LIPF: variants seen among roughly 807,000 people sequenced by gnomAD.
LIPF encodes gastric triacylglycerol lipase.
LIPF carries 25 observed loss-of-function variants against 38.0 expected under a neutral mutation model. The observed-to-expected ratio is 0.66, with a 90% confidence interval of 0.48 to 0.92. The LOEUF (loss-of-function observed/expected upper bound fraction) is 0.92. Among genes scored for constraint, LIPF ranks in the 40% least tolerant of loss-of-function variants. The pLI, the probability that LIPF is intolerant of heterozygous loss-of-function variation, is 0.00. For synonymous variants in LIPF, 161 were observed against 156.2 expected, an observed-to-expected ratio of 1.03 and a Z score of -0.23; for missense variants, 410 against 469.9, an observed-to-expected ratio of 0.87 and a Z score of 1.18.
At chr10:88,672,132 A>G (rs1197045092) in intron 6 of LIPF, among the ~76,000 whole-genome samples, 167 bp downstream of exon 6, 2 of 152,128 alleles carry the variant, frequency 1.3e-5, no homozygotes, top group African/African-American at 4.8e-5. Flanking sequence ...CCATGTTTGA[A>G]TCTCCTTACA....
At chr10:88,664,968 T>C (rs907320331) in intron 1 of LIPF, among the ~76,000 whole-genome samples, 1 of 152,226 alleles carries the variant, frequency 6.6e-6, no homozygotes, top group Non-Finnish European at 1.5e-5. Flanking sequence ...AAAACATTTA[T>C]TTAAATTATA....
chr10:88,676,733 G>A (rs17333935), intron 9 of LIPF, among the ~76,000 whole-genome samples: 2,155 of 152,296 alleles, frequency 0.014, 33 homozygotes, highest in Middle Eastern at 0.071. Flanking sequence ...AAAAGATGCC[G>A]TGCTTGCAGG....
At chr10:88,669,752 A>G in intron 4 of LIPF, 85 bp from the exon 5 acceptor site, 1 of 937,030 alleles carries the variant, frequency 1.1e-6, no homozygotes, top group Non-Finnish European at 1.7e-6. Context: ...CTGTATCCCA[A>G]AGGGATCATT....
In LIPF at chr10:88,673,635, A is replaced by G. The variant is rs2134643899; in HGVS notation, c.717A>G (p.Gln239=). The change falls in exon 7 of 10, where the codon CAA becomes CAG. Residue 239 remains glutamine, a synonymous_variant. Transcript: ENST00000238983. ...KIFYPHNFFD[Q]FLATEVCSRE... ...TCTACCCACACAACTTCTTTGATCA[A>G]TTTCTTGCTACTGAAGTGTGCTCCC... 1 of 1,611,844 alleles carries G rather than the reference A, an allele frequency of 6.2e-7. No homozygotes were observed.
intron 1 of LIPF, chr10:88,665,498 T>A: frequency 1.3e-6 from 2 of 1,521,334 alleles, no homozygotes. Flanking sequence ...ACAAGCATTT[T>A]GAGAAATTTA....
chr10:88,671,776 A>C (rs1212229487), intron 5 of LIPF, 53 bp from the exon 6 acceptor site: 2 of 1,557,432 alleles, frequency 1.3e-6, no homozygotes, highest in Non-Finnish European at 1.7e-6. Context: ...AAACAAAACA[A>C]CAACAACAAC....
At chr10:88,673,073 G>T (rs1460313985) in intron 6 of LIPF, among the ~76,000 whole-genome samples, 1 of 152,030 alleles carries the variant, frequency 6.6e-6, no homozygotes, top group East Asian at 1.9e-4. Context: ...ATGTTTCCTC[G>T]TGTATAAAAT....
At chr10:88,674,851 T>G (rs1021367056) in intron 7 of LIPF, among the ~76,000 whole-genome samples, 3 of 152,166 alleles carry the variant, frequency 2.0e-5, no homozygotes, top group Non-Finnish European at 4.4e-5. Context: ...TTCTATGAAG[T>G]GTTGTGGTTA....
At chr10:88,672,077 A>G in intron 6 of LIPF, 112 bp downstream of exon 6, 1 of 1,034,396 alleles carries the variant, frequency 9.7e-7, no homozygotes, top group Non-Finnish European at 1.4e-6. Context: ...TTTATATCCA[A>G]AAATGGAACT....
chr10:88,678,092 T>A (rs557305931), intron 9 of LIPF, among the ~76,000 whole-genome samples: 1 of 152,342 alleles, frequency 6.6e-6, no homozygotes, highest in African/African-American at 2.4e-5. Context: ...TGTTCTTAAT[T>A]TGTAAGACTT....
At chr10:88,675,562 A>G (rs757930684) in intron 7 of LIPF, 24 bp from the exon 8 acceptor site, 8 of 1,545,216 alleles carry the variant, frequency 5.2e-6, no homozygotes, top group Non-Finnish European at 7.2e-6. Flanking sequence ...TATGTATATA[A>G]TATGTGTGTC....
chr10:88,676,891 C>T (rs1182600206), intron 9 of LIPF, among the ~76,000 whole-genome samples: 1 of 152,214 alleles, frequency 6.6e-6, no homozygotes, highest in East Asian at 1.9e-4. Context: ...ATTTCTTCAT[C>T]TCTCCACCCA....
Position 88,667,687 on chromosome 10 carries a change from G to T in LIPF, c.223+1G>T. 1 of 1,195,014 alleles carries T rather than the reference G, an allele frequency of 8.4e-7. No homozygotes were observed. The highest frequency in any genetic ancestry group is 1.8e-5 in the Admixed American group (1 of 56,258). The allele number at this position is 1,195,014 out of a possible 1,614,324, so 74.0% of individuals were successfully genotyped here. A position where few individuals can be genotyped will look rare whatever the true frequency, so the allele number is the denominator to read the frequency against. ...GGGAAGAAAAATTCAGGGAATACAG[G>T]TATATATAAGCTTCTTTTCTTCCTT... On this transcript the variant is annotated splice_donor_variant, in intron 3 of 9. Transcript: ENST00000238983. LOFTEE classifies it high-confidence loss of function.
chr10:88,678,561 C>A lies in LIPF; in HGVS notation c.1077C>A (p.Pro359=). ...QDVGLLLPKL[P]NLIYHKEIPF... is the part of the protein sequence containing the mutation. ...TTGGCCTTTTGCTTCCAAAACTCCC[C>A]AATCTTATTTACCACAAGGAGATTC... is the stretch of plus-strand genomic sequence containing the variant. The change falls in exon 10 of 10, where the codon CCC becomes CCA. Residue 359 remains proline (P), a synonymous_variant. Transcript: ENST00000238983. The A allele has an allele frequency of 6.2e-7, 1 of 1,613,956 alleles. No homozygotes were observed. Among genetic ancestry groups the A allele is most frequent in the South Asian group, 1.1e-5 (1 of 91,074 alleles).
chr10:88,674,913 C>T (rs183706652), intron 7 of LIPF, among the ~76,000 whole-genome samples: 1 of 152,052 alleles, frequency 6.6e-6, no homozygotes, highest in African/African-American at 2.4e-5. Context: ...CCTCATCACA[C>T]GAACAAAAGG....
chr10:88,677,150 T>A (rs1201177135), intron 9 of LIPF, among the ~76,000 whole-genome samples: 1 of 152,220 alleles, frequency 6.6e-6, no homozygotes, highest in Non-Finnish European at 1.5e-5. Flanking sequence ...AACAACAATG[T>A]CTTATGTGTA....
Position 88,667,408 on chromosome 10 carries a change from T to G in LIPF, c.105+6T>G. ...CTGAAGTGACTATGAACATTGTAAG[T>G]TACTCTGGGGAAAAACTCTATAAAA... On this transcript the variant is annotated splice_donor_region_variant and intron_variant, in intron 2 of 9. Transcript: ENST00000238983. 2 of 1,521,062 alleles carry G rather than the reference T, an allele frequency of 1.3e-6. No individual in the cohort carries two copies. The highest frequency in any genetic ancestry group is 1.8e-6 in the Non-Finnish European group (2 of 1,098,766). 94.2% of individuals were successfully genotyped at this position (1,521,062 alleles called of 1,614,324 possible). A position where few individuals can be genotyped will look rare whatever the true frequency, so the allele number is the denominator to read the frequency against.
At chr10:88,675,453 T>C (rs1445630266) in intron 7 of LIPF, 133 bp from the exon 8 acceptor site, 4 of 665,818 alleles carry the variant, frequency 6.0e-6, no homozygotes, top group Middle Eastern at 7.9e-4. Flanking sequence ...TACAAATGTG[T>C]TGTTCATATC....
At chr10:88,673,307 C>T (rs1841632468) in intron 6 of LIPF, among the ~76,000 whole-genome samples, 1 of 152,154 alleles carries the variant, frequency 6.6e-6, no homozygotes, top group African/African-American at 2.4e-5. Context: ...ACTCCTATCA[C>T]CCCAACTAGA....
Sources: allele counts gnomAD v4.1 joint callset (sites outside exome capture counted in the v4.1 genomes callset), GRCh38; gene constraint gnomAD v4.1.1; transcripts MANE v1.5; gene names NCBI Gene and HGNC (gene_info 2026-07-23, HGNC 2026-07-21).